LRRTM4: variants seen among roughly 807,000 people sequenced by gnomAD.
LRRTM4 encodes the protein leucine-rich repeat transmembrane neuronal protein 4.
In LRRTM4, 25 loss-of-function variants were observed where a neutral mutation model predicts 47.6. That is an observed-to-expected ratio of 0.53 (90% CI 0.38 to 0.73). The LOEUF is 0.73. Among genes scored for constraint, LRRTM4 ranks in the 30% least tolerant of loss-of-function variants. The pLI is 0.00. For missense variants in LRRTM4, 638 were observed against 713.4 expected, an observed-to-expected ratio of 0.89 and a Z score of 1.20; for synonymous variants, 311 against 269.5, an observed-to-expected ratio of 1.15 and a Z score of -1.51.
In LRRTM4 at chr2:77,224,955, G is replaced by T. The variant is rs1248195381; in HGVS notation, c.1551+293363C>A. ...CACTATTCACAATAGCAAAGACTTA[G>T]AACCAAGCCAAATGTCCAACAATGA... On this transcript the variant is annotated intron_variant, in intron 3 of 3. Coordinates refer to ENST00000409884, the MANE Select transcript of LRRTM4 (RefSeq NM_001134745.3). Among the ~76,000 whole-genome samples the T allele has an allele frequency of 2.0e-5, 3 of 152,016 alleles. No individual in the cohort carries two copies. The East Asian group carries it at 5.8e-4, about 29-fold the overall frequency.
At chr2:77,490,576 C>T (rs1408513102) in intron 3 of LRRTM4, among the ~76,000 whole-genome samples, 1 of 151,608 alleles carries the variant, frequency 6.6e-6, no homozygotes, top group Non-Finnish European at 1.5e-5. Flanking sequence ...TTATGAGATA[C>T]AAATTGCTAT....
intron 3 of LRRTM4, among the ~76,000 whole-genome samples, chr2:76,789,875 G>C (rs1419671064): frequency 1.3e-5 from 2 of 152,074 alleles, no homozygotes; most frequent in African/African-American, 4.8e-5. Flanking sequence ...GAAATTATCA[G>C]CACTCTTCTT....
chr2:76,868,510 C>T (rs968689848), intron 3 of LRRTM4, among the ~76,000 whole-genome samples: 1 of 152,138 alleles, frequency 6.6e-6, no homozygotes, highest in Admixed American at 6.5e-5. Context: ...ACATGTTAAA[C>T]TCCCACGGAT....
intron 3 of LRRTM4, among the ~76,000 whole-genome samples, chr2:77,149,308 T>C (rs2103781020): frequency 6.6e-6 from 1 of 152,264 alleles, no homozygotes; most frequent in Admixed American, 6.5e-5. Flanking sequence ...AATTTTATTT[T>C]ATCAGTTTTT....
At chr2:77,188,429 C>T (rs1048427396) in intron 3 of LRRTM4, among the ~76,000 whole-genome samples, 2 of 152,112 alleles carry the variant, frequency 1.3e-5, no homozygotes, top group African/African-American at 4.8e-5. Context: ...ATTAATGAAA[C>T]ATATCATTGT....
chr2:76,954,207 CAAAAT>C (rs1675595887), intron 3 of LRRTM4, among the ~76,000 whole-genome samples: 1 of 151,514 alleles, frequency 6.6e-6, no homozygotes, highest in Non-Finnish European at 1.5e-5. Context: ...ATCAAAGAAA[CAAAAT>C]AAATTTTTAG....
At chr2:77,015,525 C>T (rs1678033701) in intron 3 of LRRTM4, among the ~76,000 whole-genome samples, 1 of 151,962 alleles carries the variant, frequency 6.6e-6, no homozygotes, top group Non-Finnish European at 1.5e-5. Context: ...AGGATTTCAC[C>T]ATGTTGGTCA....
intron 3 of LRRTM4, among the ~76,000 whole-genome samples, chr2:77,023,428 T>G (rs147185573): frequency 9.2e-5 from 14 of 152,330 alleles, no homozygotes; most frequent in African/African-American, 1.7e-4. Flanking sequence ...CTTGAATATT[T>G]CCTCAGAAAA....
chr2:77,319,685 AGTGTATGTCGTAC>A (rs1677730643), intron 3 of LRRTM4, among the ~76,000 whole-genome samples: 1 of 152,220 alleles, frequency 6.6e-6, no homozygotes, highest in African/African-American at 2.4e-5. Context: ...CTCAAATAGG[AGTGTATGTCGTAC>A]AAATGTAGCA....
At chr2:77,406,974 G>A (rs1159426149) in intron 3 of LRRTM4, among the ~76,000 whole-genome samples, 1 of 152,182 alleles carries the variant, frequency 6.6e-6, no homozygotes, top group Non-Finnish European at 1.5e-5. Context: ...GGCTGCTGAT[G>A]CATATGCTAC....
intron 3 of LRRTM4, among the ~76,000 whole-genome samples, chr2:76,791,663 A>G (rs1177386140): frequency 1.3e-5 from 2 of 152,216 alleles, no homozygotes; most frequent in Admixed American, 6.5e-5. Flanking sequence ...CCAGTTAAAG[A>G]CAATTTCAGT....
chr2:76,867,876 G>A (rs1428220178), intron 3 of LRRTM4, among the ~76,000 whole-genome samples: 2 of 152,076 alleles, frequency 1.3e-5, no homozygotes, highest in Non-Finnish European at 2.9e-5. Flanking sequence ...ATTTTAGTTA[G>A]GAAAAGAAAG....
chr2:77,068,036 AAT>A (rs1296306651), intron 3 of LRRTM4, among the ~76,000 whole-genome samples: 2 of 152,160 alleles, frequency 1.3e-5, no homozygotes, highest in African/African-American at 4.8e-5. Flanking sequence ...GTTATAAATT[AAT>A]ACATTTTTAC....
At chr2:77,413,041 C>A (rs1207639752) in intron 3 of LRRTM4, among the ~76,000 whole-genome samples, 1 of 152,142 alleles carries the variant, frequency 6.6e-6, no homozygotes, top group Non-Finnish European at 1.5e-5. Flanking sequence ...GAAGGAAAGA[C>A]TTCTCCTTTT....
rs945049262 is a variant in LRRTM4 at position 76,803,084 on chromosome 2, G to T, written c.1552-54168C>A. 3.3e-5 allele frequency among the ~76,000 whole-genome samples: 5 copies of T among 151,958 alleles called. No homozygotes were observed. In the East Asian group the frequency reaches 7.7e-4, roughly 23 times the overall value. ...TTTGCATATGAACAAAAAAGTATGG[G>T]TAACTAAAGCAAAAATAGACAAATG... is the stretch of plus-strand genomic sequence containing the variant. On this transcript the variant is annotated intron_variant, in intron 3 of 3. Transcript: ENST00000409884.
Position 77,510,707 on chromosome 2 carries a change from A to G in LRRTM4, c.1551+7611T>C, listed in dbSNP as rs1678951170. 2.0e-5 allele frequency among the ~76,000 whole-genome samples: 3 copies of G among 152,026 alleles called. No homozygotes were observed. In the South Asian group the frequency reaches 6.2e-4, roughly 31 times the overall value. On this transcript the variant is annotated intron_variant, in intron 3 of 3. Transcript: ENST00000409884. ...TTGCTTATTTAGATCTTAAAAATATAGTGAATTCTCTTAAGCAACTCATCC... is the reference window on the plus strand; with the variant it reads ...TTGCTTATTTAGATCTTAAAAATATGGTGAATTCTCTTAAGCAACTCATCC...
At chr2:77,317,577 C>T (rs555445079) in intron 3 of LRRTM4, among the ~76,000 whole-genome samples, 19 of 152,086 alleles carry the variant, frequency 1.2e-4, no homozygotes, top group South Asian at 4.1e-4. Flanking sequence ...AAATTTTTCC[C>T]CCATGTGCCT....
intron 3 of LRRTM4, among the ~76,000 whole-genome samples, chr2:77,036,943 T>G (rs928464588): frequency 8.6e-5 from 13 of 151,726 alleles, no homozygotes; most frequent in African/African-American, 3.1e-4. Flanking sequence ...AGGAAGTGAT[T>G]GACCCCTACT....
chr2:76,883,197 T>G (rs1672979036), intron 3 of LRRTM4, among the ~76,000 whole-genome samples: 1 of 152,186 alleles, frequency 6.6e-6, no homozygotes, highest in South Asian at 2.1e-4. Context: ...CTGTGGAGCT[T>G]TCTACCAGTC....
Sources: allele counts gnomAD v4.1 joint callset (sites outside exome capture counted in the v4.1 genomes callset), GRCh38; gene constraint gnomAD v4.1.1; transcripts MANE v1.5; gene names NCBI Gene and HGNC (gene_info 2026-07-23, HGNC 2026-07-21).